FRZB: variants seen among roughly 807,000 people sequenced by gnomAD.
FRZB encodes the protein frizzled related protein.
Under a neutral mutation model 32.5 loss-of-function variants are expected in FRZB, and 34 were observed. That is an observed-to-expected ratio of 1.05 (90% CI 0.80 to 1.39). The LOEUF is 1.39. FRZB is among the 40% of genes most tolerant of loss of function. The pLI, the probability that FRZB is intolerant of heterozygous loss-of-function variation, is 0.00. For synonymous variants in FRZB, 170 were observed against 159.2 expected (o/e 1.07, Z -0.51); for missense variants, 423 against 424.8 (o/e 1.00, Z 0.04).
At chr2:182,847,305 C>T (rs1242443826) in intron 2 of FRZB, among the ~76,000 whole-genome samples, 1 of 152,082 alleles carries the variant, frequency 6.6e-6, no homozygotes, top group Non-Finnish European at 1.5e-5. Context: ...TAGGCAGGAA[C>T]TACATCTTTA....
chr2:182,854,427 T>G (rs1201732273), intron 2 of FRZB, among the ~76,000 whole-genome samples: 1 of 152,114 alleles, frequency 6.6e-6, no homozygotes, highest in Non-Finnish European at 1.5e-5. Flanking sequence ...GAGAAAATAA[T>G]ACCATAAAAC....
chr2:182,861,141 TG>T (rs1041055216), intron 1 of FRZB, among the ~76,000 whole-genome samples: 4 of 152,214 alleles, frequency 2.6e-5, no homozygotes, highest in African/African-American at 9.6e-5. Context: ...CATAGATAAG[TG>T]TACTTCAAAA....
chr2:182,856,780 A>G (rs1695774661), intron 2 of FRZB, among the ~76,000 whole-genome samples: 1 of 152,120 alleles, frequency 6.6e-6, no homozygotes. Flanking sequence ...AAAATATTAA[A>G]CAAGTATGTA....
At position 182,866,260 on chromosome 2, in the gene FRZB, A is replaced by G. The variant is rs139461108; in HGVS notation, c.293T>C (p.Ile98Thr). 8.3e-5 allele frequency: 134 copies of G among 1,614,224 alleles called. No individual in the cohort carries two copies. Among genetic ancestry groups the G allele is most frequent in the Non-Finnish European group, 1.0e-4 (121 of 1,180,032 alleles). ...CTTGATGGGCTCGTGCTGGAAGTCA[A>G]TGGTGCAGATGGGCGCGTACATGGC... is the stretch of plus-strand genomic sequence containing the variant. Reference protein sequence around the residue: ...LCAMYAPICTIDFQHEPIKPC... With the variant: ...LCAMYAPICTTDFQHEPIKPC... Residue 98 changes from isoleucine to threonine, a missense_variant, in exon 1 of 6, where the codon ATT becomes ACT. Transcript: ENST00000295113. This position sits in a 1 kb window ranked among gnomAD's most constrained non-coding sequence, Gnocchi z 4.5.
At chr2:182,861,670 A>G (rs769216704) in intron 1 of FRZB, among the ~76,000 whole-genome samples, 1 of 152,188 alleles carries the variant, frequency 6.6e-6, no homozygotes, top group Non-Finnish European at 1.5e-5. Context: ...TAAATTGAGG[A>G]GATGTAGCCA....
At chr2:182,842,782 A>C (rs1180533697) in intron 2 of FRZB, among the ~76,000 whole-genome samples, 1 of 152,080 alleles carries the variant, frequency 6.6e-6, no homozygotes, top group Non-Finnish European at 1.5e-5. Context: ...AAACCACCCA[A>C]ATCCTGAGGA....
At chr2:182,841,136 T>C (rs185173376) in intron 3 of FRZB, among the ~76,000 whole-genome samples, 101 of 152,146 alleles carry the variant, frequency 6.6e-4, no homozygotes, top group Non-Finnish European at 1.1e-3. Context: ...TACATAAACA[T>C]AAGCTTACAA....
intron 2 of FRZB, among the ~76,000 whole-genome samples, chr2:182,856,867 G>C (rs1276103867): frequency 1.3e-5 from 2 of 151,384 alleles, no homozygotes; most frequent in Non-Finnish European, 2.9e-5. Flanking sequence ...AATATTTGGA[G>C]ACCTAATCAC....
chr2:182,838,327 C>T (rs558175479), intron 4 of FRZB, 82 bp downstream of exon 4: 15 of 1,163,798 alleles, frequency 1.3e-5, no homozygotes, highest in South Asian at 8.3e-5. Flanking sequence ...TGTAAAAATG[C>T]GAGGGTAGCA....
rs986225609 is a variant in FRZB at position 182,862,473 on chromosome 2, C to G, written c.478+3602G>C. Among the ~76,000 whole-genome samples the G allele has an allele frequency of 4.7e-4, 72 of 152,200 alleles. 1 individual carries two copies. Among genetic ancestry groups the G allele is most frequent in the African/African-American group, 1.7e-3 (72 of 41,528 alleles). ...GGGGATCTGCTCTTGAGCCTGAGGT[C>G]TAGGTCAATTTGTGTAAAAGGAAAT... On this transcript the variant is annotated intron_variant, in intron 1 of 5. Coordinates refer to ENST00000295113, the MANE Select transcript of FRZB (RefSeq NM_001463.4).
rs2105767246 is a variant in FRZB at position 182,866,561 on chromosome 2, C to A, written c.-9G>T. The A allele has an allele frequency of 6.9e-7, 1 of 1,441,538 alleles. No homozygotes were observed. The highest frequency in any genetic ancestry group is 1.4e-5 in the African/African-American group (1 of 70,118). 89.3% of individuals were successfully genotyped at this position (1,441,538 alleles called of 1,614,324 possible). ...GGGCTGCCGCAGACCATGATCCCGG[C>A]AGGATGGGGCAGGGTGCAGCCGCGC... On this transcript the variant is annotated 5_prime_UTR_variant, in exon 1 of 6. Coordinates refer to ENST00000295113, the MANE Select transcript of FRZB (RefSeq NM_001463.4). This position sits in a 1 kb window ranked among gnomAD's most constrained non-coding sequence, Gnocchi z 4.5.
At chr2:182,854,656 C>T (rs1298523784) in intron 2 of FRZB, among the ~76,000 whole-genome samples, 2 of 152,144 alleles carry the variant, frequency 1.3e-5, no homozygotes, top group Non-Finnish European at 2.9e-5. Flanking sequence ...CCTCAGGAGC[C>T]CAAAACTTTG....
intron 2 of FRZB, among the ~76,000 whole-genome samples, chr2:182,857,347 A>C (rs946005491): frequency 6.6e-6 from 1 of 152,298 alleles, no homozygotes; most frequent in East Asian, 1.9e-4. Flanking sequence ...TTGGCCGGAC[A>C]TGGTGGCTCA....
chr2:182,850,157 T>C (rs1037090850), intron 2 of FRZB, among the ~76,000 whole-genome samples: 2 of 142,806 alleles, frequency 1.4e-5, no homozygotes, highest in Non-Finnish European at 1.5e-5. Flanking sequence ...GATATTTTCA[T>C]ACATTCATAT....
Position 182,833,811 on chromosome 2 carries a change from A to T in FRZB, c.*1038T>A, listed in dbSNP as rs1695492536. 6.6e-6 allele frequency: 1 copy of T among 152,116 alleles called. No individual in the cohort carries two copies. Among genetic ancestry groups the T allele is most frequent in the South Asian group, 2.1e-4 (1 of 4,828 alleles). The allele number at this position is 152,116 out of a possible 1,614,324, so 9.4% of individuals were successfully genotyped here. A position where few individuals can be genotyped will look rare whatever the true frequency, so the allele number is the denominator to read the frequency against. On this transcript the variant is annotated 3_prime_UTR_variant, in exon 6 of 6. Transcript: ENST00000295113. ...CCACCTTGGGTGTGAGTGCAAGGACACACATGTACACAAATACAGACACAC... is the reference window on the plus strand; with the variant it reads ...CCACCTTGGGTGTGAGTGCAAGGACTCACATGTACACAAATACAGACACAC...
chr2:182,853,014 C>G (rs899710433), intron 2 of FRZB, among the ~76,000 whole-genome samples: 2 of 152,128 alleles, frequency 1.3e-5, no homozygotes, highest in African/African-American at 2.4e-5. Flanking sequence ...TCCTCATTTC[C>G]TGTTTTATCA....
chr2:182,850,896 T>C (rs1338948354), intron 2 of FRZB, among the ~76,000 whole-genome samples: 3 of 152,212 alleles, frequency 2.0e-5, no homozygotes, highest in Non-Finnish European at 4.4e-5. Flanking sequence ...TATTGTTCCA[T>C]CTTTTTGATA....
intron 1 of FRZB, among the ~76,000 whole-genome samples, chr2:182,860,367 G>GA (rs1314411403): frequency 1.3e-5 from 2 of 152,166 alleles, no homozygotes; most frequent in Non-Finnish European, 2.9e-5. Context: ...TTGCATTTCA[G>GA]AAAAAATGTC....
In FRZB at chr2:182,834,688, C is replaced by G. The variant is rs767715725; in HGVS notation, c.*161G>C. 143 of 636,492 alleles carry G rather than the reference C, an allele frequency of 2.2e-4. No individual in the cohort carries two copies. The highest frequency in any genetic ancestry group is 3.7e-4 in the Non-Finnish European group (130 of 350,696). 39.4% of individuals were successfully genotyped at this position (636,492 alleles called of 1,614,324 possible). On this transcript the variant is annotated 3_prime_UTR_variant, in exon 6 of 6. Transcript: ENST00000295113. ...CAAAGGGGTTGAGAGAAGAGAGAAG[C>G]AGAAACCAAAAGAGAAACAGAAGTA...
Sources: gnomAD v4.1 joint callset for allele counts (sites outside exome capture counted in the v4.1 genomes callset) on GRCh38, gnomAD v4.1.1 for gene constraint, Gnocchi (gnomAD v3.1) non-coding constraint, MANE v1.5 for transcripts, NCBI Gene and HGNC (gene_info 2026-07-23, HGNC 2026-07-21) for gene names.